Variants in PUDP observed in about 807,000 individuals in gnomAD.
PUDP encodes pseudouridine 5'-phosphatase, also known as pseudouridine-5'-phosphatase.
A neutral mutation model predicts 9.4 loss-of-function variants in PUDP; 8 were observed. That is an observed-to-expected ratio of 0.85 (90% CI 0.50 to 1.53). PUDP has a LOEUF of 1.53. Ranked by LOEUF, PUDP falls within the 40% of genes most tolerant of loss-of-function variation. PUDP has a pLI of 0.00. For missense variants in PUDP, 188 were observed against 189.7 expected (o/e 0.99, Z 0.05); for synonymous variants, 99 against 80.7 (o/e 1.23, Z -1.22).
At chrX:6,728,138 A>G (rs12011409) in intron 3 of PUDP, among the ~76,000 whole-genome samples, 5,095 of 111,056 alleles carry the variant, frequency 0.046, 294 homozygotes, top group African/African-American at 0.16. Flanking sequence ...GAGAATGAGA[A>G]CCAAGGAAAA....
intron 3 of PUDP, among the ~76,000 whole-genome samples, chrX:6,905,695 C>T (rs1927756789): frequency 1.8e-5 from 2 of 111,259 alleles, no homozygotes; most frequent in African/African-American, 6.6e-5. Context: ...GGGGACACAG[C>T]CAAATCATAT....
At chrX:6,706,224 C>T (rs751017524) in intron 2 of PUDP, 4 of 112,339 alleles carry the variant, frequency 3.6e-5, no homozygotes, top group Non-Finnish European at 7.5e-5. Flanking sequence ...TATGGAGTTT[C>T]ACTTTGGGGA....
chrX:7,032,087 C>A (rs758605014), intron 1 of PUDP, among the ~76,000 whole-genome samples: 1 of 111,567 alleles, frequency 9.0e-6, no homozygotes, highest in East Asian at 2.8e-4. Flanking sequence ...AAAAAATGAG[C>A]AAATTATTTG....
At chrX:7,053,001 T>A (rs1187823399) in intron 3 of PUDP, among the ~76,000 whole-genome samples, 1 of 112,418 alleles carries the variant, frequency 8.9e-6, no homozygotes, top group Non-Finnish European at 1.9e-5. Context: ...CCTTGCCTTT[T>A]TAAAAGTTAT....
chrX:7,037,870 C>G (rs1011946581), intron 1 of PUDP, among the ~76,000 whole-genome samples: 23 of 110,939 alleles, frequency 2.1e-4, no homozygotes, highest in African/African-American at 7.5e-4. Context: ...TCCAAAAAGT[C>G]ACAGGTATAA....
intron 3 of PUDP, among the ~76,000 whole-genome samples, chrX:6,733,485 C>T (rs996389288): frequency 1.8e-5 from 2 of 111,388 alleles, no homozygotes; most frequent in Non-Finnish European, 3.8e-5. Flanking sequence ...GAAATGGTAG[C>T]CACTGCAGCG....
chrX:6,944,029 A>G (rs1349220463), intron 3 of PUDP, among the ~76,000 whole-genome samples: 1 of 111,679 alleles, frequency 9.0e-6, no homozygotes, highest in African/African-American at 3.3e-5. Context: ...CGCACAAAAG[A>G]ATACGTGGAA....
chrX:7,083,917 AG>A (rs1931187610), intron 2 of PUDP, among the ~76,000 whole-genome samples: 1 of 111,184 alleles, frequency 9.0e-6, no homozygotes, highest in African/African-American at 3.3e-5. Context: ...AAAAAAAAGA[AG>A]GAAAAAAAAA....
At chrX:6,802,807 C>T (rs972382852) in intron 3 of PUDP, among the ~76,000 whole-genome samples, 4 of 108,473 alleles carry the variant, frequency 3.7e-5, no homozygotes, top group Non-Finnish European at 7.6e-5. Flanking sequence ...ATCACTTGAA[C>T]CTGGGAGGCG....
chrX:7,145,732 A>G (rs1187802982), intron 1 of PUDP, among the ~76,000 whole-genome samples: 3 of 111,176 alleles, frequency 2.7e-5, no homozygotes, highest in African/African-American at 9.8e-5. Context: ...CTGATTAAAC[A>G]ATCTTCTCCT....
At chrX:6,795,395 C>T (rs1925827536) in intron 3 of PUDP, among the ~76,000 whole-genome samples, 1 of 111,581 alleles carries the variant, frequency 9.0e-6, no homozygotes. Flanking sequence ...AGTTTCTACA[C>T]ACAGTAATAG....
intron 3 of PUDP, among the ~76,000 whole-genome samples, chrX:7,055,666 T>C (rs765748185): frequency 8.9e-6 from 1 of 111,854 alleles, no homozygotes; most frequent in South Asian, 3.8e-4. Context: ...AGCCTAACCA[T>C]TTAAAGAATG....
chrX:6,747,613 G>C (rs1253512214), intron 3 of PUDP, among the ~76,000 whole-genome samples: 1 of 112,094 alleles, frequency 8.9e-6, no homozygotes, highest in African/African-American at 3.2e-5. Flanking sequence ...AAGTACTTAT[G>C]AAAATGCCCC....
intron 3 of PUDP, among the ~76,000 whole-genome samples, chrX:6,803,246 G>A (rs1009141837): frequency 4.5e-5 from 5 of 110,753 alleles, no homozygotes; most frequent in African/African-American, 6.6e-5. Context: ...CATTCTTGAT[G>A]CTAATCAGAA....
Position 6,950,952 on chromosome X carries a change from G to GTT in PUDP, c.*247+26179_*247+26180dup, listed in dbSNP as rs10577411. Among the ~76,000 whole-genome samples, 5 of 102,493 alleles carry GTT rather than the reference G, an allele frequency of 4.9e-5. 1 individual carries two copies. The highest frequency in any genetic ancestry group is 1.8e-4 in the African/African-American group (5 of 28,169). The allele number at this position is 102,493 out of a possible 115,157, so 89.0% of individuals were successfully genotyped here. On this transcript the variant is annotated intron_variant and NMD_transcript_variant, in intron 3 of 3. Transcript: ENST00000655425. ...CTTTGAGCTGAGACCTTGGTTGTGT[G>GTT]TTTTTTTTTTTTCCTGCCTTCAGCC...
intron 3 of PUDP, among the ~76,000 whole-genome samples, chrX:7,069,308 T>C (rs955451492): frequency 9.0e-6 from 1 of 111,258 alleles, no homozygotes; most frequent in African/African-American, 3.3e-5. Flanking sequence ...TTGTGGCACC[T>C]GGCAGCTAAT....
chrX:6,885,432 A>C (rs1232358684), intron 3 of PUDP, among the ~76,000 whole-genome samples: 1 of 112,187 alleles, frequency 8.9e-6, no homozygotes, highest in African/African-American at 3.2e-5. Flanking sequence ...ACCCGTGAGA[A>C]GAGAGAGTTA....
At chrX:6,845,324 G>A (rs1490850768) in intron 3 of PUDP, among the ~76,000 whole-genome samples, 2 of 111,932 alleles carry the variant, frequency 1.8e-5, no homozygotes, top group African/African-American at 6.5e-5. Flanking sequence ...GATTAGACCT[G>A]CATGTGAAAA....
intron 2 of PUDP, among the ~76,000 whole-genome samples, chrX:7,100,795 G>T (rs1446374392): frequency 8.9e-6 from 1 of 111,949 alleles, no homozygotes; most frequent in Admixed American, 9.4e-5. Context: ...TTTGTGACTG[G>T]TATAATATTG....
Sources: allele counts gnomAD v4.1 joint callset (sites outside exome capture counted in the v4.1 genomes callset), GRCh38; gene constraint gnomAD v4.1.1; transcripts MANE v1.5; gene names NCBI Gene and HGNC (gene_info 2026-07-23, HGNC 2026-07-21).